MTR: variants seen among roughly 807,000 people sequenced by gnomAD.
MTR encodes the protein 5-methyltetrahydrofolate-homocysteine methyltransferase, also known as methionine synthase.
In MTR, 84 loss-of-function variants were observed where a neutral mutation model predicts 154.8. The observed-to-expected ratio is 0.54, with a 90% CI of 0.45 to 0.65. The LOEUF (loss-of-function observed/expected upper bound fraction) is 0.65. MTR is among the 30% of genes least tolerant of loss of function. The probability of loss-of-function intolerance (pLI) is 0.00; values close to 1 mark genes in which losing one functional copy is unlikely to be tolerated. For synonymous variants in MTR, 554 were observed against 553.9 expected, an observed-to-expected ratio of 1.00 and a Z score of 0.00; for missense variants, 1,275 against 1,570.2, an observed-to-expected ratio of 0.81 and a Z score of 3.18.
At chr1:236,849,785 A>G (rs986246004) in intron 15 of MTR, among the ~76,000 whole-genome samples, 4 of 152,188 alleles carry the variant, frequency 2.6e-5, no homozygotes, top group African/African-American at 9.7e-5. Context: ...GACTTAAGAC[A>G]CATGTTAGGC....
intron 10 of MTR, among the ~76,000 whole-genome samples, chr1:236,826,354 T>C (rs888927734): frequency 1.3e-5 from 2 of 152,166 alleles, no homozygotes; most frequent in Non-Finnish European, 2.9e-5. Flanking sequence ...TGAAGTTCAG[T>C]GGTGTGATCA....
In MTR at chr1:236,889,299, T is replaced by C. The variant is rs760830637; in HGVS notation, c.2970T>C (p.Asn990=). ...DVWQLRGKYP[N]RGFPKIFNDK... ...GGCAGCTCCGGGGCAAGTACCCGAA[T>C]CGAGGCTTTCCCAAGATATTTAACG... The change falls in exon 28 of 33, where the codon AAT becomes AAC. Residue 990 remains asparagine (N), a synonymous_variant. Coordinates refer to ENST00000366577, the MANE Select transcript of MTR (RefSeq NM_000254.3). 86 of 1,614,226 alleles carry C rather than the reference T, an allele frequency of 5.3e-5. No individual in the cohort carries two copies. The South Asian group carries it at 9.3e-4, about 18-fold the overall frequency.
chr1:236,885,361 A>G, intron 26 of MTR, 142 bp downstream of exon 26: 1 of 668,720 alleles, frequency 1.5e-6, no homozygotes, highest in Non-Finnish European at 2.7e-6. Flanking sequence ...TTCTAGTTCA[A>G]ATCAGAGGTC....
At chr1:236,837,795 A>G (rs1381174354) in intron 14 of MTR, among the ~76,000 whole-genome samples, 1 of 152,174 alleles carries the variant, frequency 6.6e-6, no homozygotes, top group Non-Finnish European at 1.5e-5. Flanking sequence ...GTATCAATCT[A>G]ATTCTTCAAG....
At chr1:236,830,344 G>C (rs528190185) in intron 12 of MTR, among the ~76,000 whole-genome samples, 183 of 152,170 alleles carry the variant, frequency 1.2e-3, no homozygotes, top group African/African-American at 4.2e-3. Flanking sequence ...CATTACTTCA[G>C]CCAAGCACTA....
At chr1:236,807,788 T>A (rs1043054217) in intron 3 of MTR, among the ~76,000 whole-genome samples, 2 of 152,216 alleles carry the variant, frequency 1.3e-5, no homozygotes, top group African/African-American at 4.8e-5. Flanking sequence ...CAACGTTTTT[T>A]AATAAAGGGT....
At position 236,805,955 on chromosome 1, in the gene MTR, A is replaced by G. The variant is rs184751948; in HGVS notation, c.250-189A>G. On this transcript the variant is annotated intron_variant, in intron 2 of 32. Coordinates refer to ENST00000366577, the MANE Select transcript of MTR (RefSeq NM_000254.3). ...CTGAATTCAAGTTTCGTGTTTATTT[A>G]TTCATACCACGTGCCTTTCTGTGAA... Among the ~76,000 whole-genome samples the G allele has an allele frequency of 5.2e-3, 787 of 152,276 alleles. 1 individual carries two copies. The highest frequency in any genetic ancestry group is 8.6e-3 in the Non-Finnish European group (586 of 68,010).
intron 18 of MTR, among the ~76,000 whole-genome samples, chr1:236,858,031 A>T (rs1357170712): frequency 6.6e-6 from 1 of 152,152 alleles, no homozygotes; most frequent in Non-Finnish European, 1.5e-5. Context: ...TAAAGAGTTG[A>T]TGGGGAGGGG....
intron 12 of MTR, among the ~76,000 whole-genome samples, chr1:236,830,950 A>G (rs1662576137): frequency 6.6e-6 from 1 of 152,302 alleles, no homozygotes; most frequent in East Asian, 1.9e-4. Context: ...AAGGTCTCAA[A>G]AGCCATTTTC....
intron 8 of MTR, chr1:236,820,196 C>G (rs1213868604): frequency 9.2e-6 from 7 of 760,784 alleles, no homozygotes; most frequent in African/African-American, 1.7e-5. Flanking sequence ...ATGCGTGGCA[C>G]CATTTCCTGT....
rs1662147703 is a variant in MTR at position 236,824,181 on chromosome 1, A to C, written c.827A>C (p.Lys276Thr). The C allele has an allele frequency of 1.9e-6, 3 of 1,613,984 alleles. No individual in the cohort carries two copies. Among genetic ancestry groups the C allele is most frequent in the Admixed American group, 3.3e-5 (2 of 59,998 alleles). ...AGACCTTTTATTGAAATAATTGGAA[A>C]ATGTACAACAGCCTATGTCCTCTGT... ...EMRPFIEIIGKCTTAYVLCYP... is the reference protein window; with the variant it reads ...EMRPFIEIIGTCTTAYVLCYP... The change falls in exon 9 of 33, where the codon AAA becomes ACA. Residue 276 changes from lysine (K) to threonine (T), a missense_variant. Coordinates refer to ENST00000366577, the MANE Select transcript of MTR (RefSeq NM_000254.3).
At chr1:236,829,139 A>G in intron 11 of MTR, 50 bp from the exon 12 acceptor site, 1 of 1,390,396 alleles carries the variant, frequency 7.2e-7, no homozygotes, top group Non-Finnish European at 1.0e-6. Context: ...GTTTCATTAA[A>G]TATATTTTAT....
intron 18 of MTR, among the ~76,000 whole-genome samples, chr1:236,853,950 A>G (rs1253865571): frequency 6.6e-6 from 1 of 152,232 alleles, no homozygotes; most frequent in Non-Finnish European, 1.5e-5. Context: ...TTACCTCAAA[A>G]GAACTTGCAT....
rs781725496 is a variant in MTR, at chr1:236,895,382, A to G, written c.3430A>G (p.Arg1144Gly). 18 of 1,602,960 alleles carry G rather than the reference A, an allele frequency of 1.1e-5. No individual in the cohort carries two copies. In the Admixed American group the frequency reaches 1.5e-4, roughly 14 times the overall value. The change falls in exon 31 of 33, where the codon AGA (arginine) becomes GGA (glycine). Residue 1144 changes from arginine to glycine, a missense_variant. Physicochemically the swap from Arg to Gly is moderately radical, Grantham distance 125. Transcript: ENST00000366577. Reference protein sequence around the residue: ...AEAFAEELHERVRRELWAYCG... With the variant: ...AEAFAEELHEGVRRELWAYCG... ...GGCCTTTGCAGAAGAGCTCCATGAAAGAGTTCGCCGAGAACTGTGGGCCTA... is the reference window on the plus strand; with the variant it reads ...GGCCTTTGCAGAAGAGCTCCATGAAGGAGTTCGCCGAGAACTGTGGGCCTA...
At chr1:236,832,155 G>A in intron 13 of MTR, 77 bp downstream of exon 13, 1 of 1,122,910 alleles carries the variant, frequency 8.9e-7, no homozygotes, top group African/African-American at 1.5e-5. Context: ...ACAGCTCTCT[G>A]CCTTTGATAG....
intron 16 of MTR, among the ~76,000 whole-genome samples, 185 bp from the exon 17 acceptor site, chr1:236,852,336 C>T (rs1365117024): frequency 2.6e-5 from 4 of 151,942 alleles, no homozygotes; most frequent in African/African-American, 9.7e-5. Flanking sequence ...TACGAAGCAG[C>T]GCCTTTGTAA....
intron 23 of MTR, 86 bp from the exon 24 acceptor site, chr1:236,874,640 T>G: frequency 1.7e-6 from 2 of 1,196,554 alleles, no homozygotes; most frequent in Non-Finnish European, 2.3e-6. Context: ...ACAAAGTTTT[T>G]TAAATGGATC....
intron 27 of MTR, among the ~76,000 whole-genome samples, chr1:236,888,745 T>G (rs1466673988): frequency 6.6e-6 from 1 of 152,236 alleles, no homozygotes; most frequent in Non-Finnish European, 1.5e-5. Context: ...TTTGAGCATA[T>G]GTGTCAGTAG....
In MTR at chr1:236,894,346, TTGGTTTTAAGGC is replaced by T; in HGVS notation, c.3205-8_3208del. 6.2e-7 allele frequency: 1 copy of T among 1,614,176 alleles called. No individual in the cohort carries two copies. The highest frequency in any genetic ancestry group is 8.5e-7 in the Non-Finnish European group (1 of 1,180,004). On this transcript the variant is annotated splice_acceptor_variant and splice_polypyrimidine_tract_variant and coding_sequence_variant and intron_variant, in exon 30 of 33. Transcript: ENST00000366577. LOFTEE classifies it high-confidence loss of function. ...GCGCCCCCGCACACTCCTACACTCC[TTGGTTTTAAGGC>T]TGAGAAGGACTCTGCCAGCACGGAG...
Sources: gnomAD v4.1 joint callset for allele counts (sites outside exome capture counted in the v4.1 genomes callset) on GRCh38, gnomAD v4.1.1 for gene constraint, MANE v1.5 for transcripts, NCBI Gene and HGNC (gene_info 2026-07-23, HGNC 2026-07-21) for gene names.